LINGO2: variants seen among roughly 807,000 people sequenced by gnomAD.
LINGO2 encodes the protein leucine-rich repeat and immunoglobulin-like domain-containing nogo receptor-interacting protein 2.
LINGO2 carries 14 observed loss-of-function variants against 30.6 expected under a neutral mutation model. That is an observed-to-expected ratio of 0.46 (90% CI 0.30 to 0.72). The LOEUF is 0.72. Ranked by LOEUF, LINGO2 falls within the 30% of genes least tolerant of loss-of-function variation. The pLI, the probability that LINGO2 is intolerant of heterozygous loss-of-function variation, is 0.07. For missense variants in LINGO2, 729 were observed against 751.7 expected, an observed-to-expected ratio of 0.97 and a Z score of 0.35; for synonymous variants, 317 against 288.5, an observed-to-expected ratio of 1.10 and a Z score of -1.00.
the LINGO2 span, among the ~76,000 whole-genome samples, chr9:28,787,946 G>A: frequency 6.6e-6 from 1 of 152,088 alleles, no homozygotes. Context: ...CTTGACAAAT[G>A]TTTTAAACAA....
chr9:28,388,002 CGATCA>C (rs1447553807), intron 2 of LINGO2, among the ~76,000 whole-genome samples: 1 of 152,126 alleles, frequency 6.6e-6, no homozygotes, highest in Non-Finnish European at 1.5e-5. Context: ...CACAGCATGC[CGATCA>C]CTTTTAAGGC....
the LINGO2 span, among the ~76,000 whole-genome samples, chr9:28,944,276 T>A: frequency 6.6e-6 from 1 of 152,160 alleles, no homozygotes; most frequent in Non-Finnish European, 1.5e-5. Flanking sequence ...GTATGCATTG[T>A]TTTAGGTAAC....
intron 4 of LINGO2, among the ~76,000 whole-genome samples, chr9:28,288,560 G>GT (rs1823602865): frequency 1.3e-5 from 2 of 152,226 alleles, no homozygotes; most frequent in African/African-American, 4.8e-5. Context: ...TGTTGTTGTT[G>GT]TTTTTTCTTT....
At position 28,063,071 on chromosome 9, in the gene LINGO2, C is replaced by G. The variant is rs964656488; in HGVS notation, c.-86-50666G>C. Among the ~76,000 whole-genome samples, 3 of 152,228 alleles carry G rather than the reference C, an allele frequency of 2.0e-5. 1 individual carries two copies. Among genetic ancestry groups the G allele is most frequent in the Admixed American group, 2.0e-4 (3 of 15,266 alleles). On this transcript the variant is annotated intron_variant, in intron 4 of 5. Coordinates refer to ENST00000379992, the Ensembl canonical transcript of LINGO2. ...CAACTTTGCTTTTACAGTTTTCTTA[C>G]TCTGACAGAAGGAAACCATAGAACC...
At chr9:28,014,524 C>A (rs201402308) in intron 4 of LINGO2, among the ~76,000 whole-genome samples, 2 of 152,114 alleles carry the variant, frequency 1.3e-5, no homozygotes, top group East Asian at 3.9e-4. Flanking sequence ...AAGCAACTTC[C>A]AACTGATACA....
chr9:28,039,603 T>G (rs1470931805), intron 4 of LINGO2, among the ~76,000 whole-genome samples: 1 of 152,154 alleles, frequency 6.6e-6, no homozygotes, highest in Non-Finnish European at 1.5e-5. Context: ...GGACTCTGTA[T>G]ATAAACAGTA....
intron 3 of LINGO2, among the ~76,000 whole-genome samples, chr9:28,341,031 A>C (rs567955983): frequency 6.6e-6 from 1 of 152,238 alleles, no homozygotes; most frequent in African/African-American, 2.4e-5. Context: ...TCATGAAACA[A>C]AAAACTAAGG....
chr9:28,162,434 G>C (rs1162824403), intron 4 of LINGO2, among the ~76,000 whole-genome samples: 1 of 152,104 alleles, frequency 6.6e-6, no homozygotes, highest in Non-Finnish European at 1.5e-5. Context: ...GCTTGGTTCA[G>C]ATTTGCACTA....
the LINGO2 span, among the ~76,000 whole-genome samples, chr9:28,800,134 G>C: frequency 6.6e-6 from 1 of 152,030 alleles, no homozygotes; most frequent in African/African-American, 2.4e-5. Flanking sequence ...AAATACAAAA[G>C]AGATTTCAGA....
intron 4 of LINGO2, among the ~76,000 whole-genome samples, chr9:28,051,978 C>T (rs1824698307): frequency 6.6e-6 from 1 of 152,060 alleles, no homozygotes; most frequent in Non-Finnish European, 1.5e-5. Flanking sequence ...AGCATTGCCT[C>T]AAATTCCAAC....
the LINGO2 span, among the ~76,000 whole-genome samples, chr9:28,841,334 A>G: frequency 1.4e-3 from 206 of 151,894 alleles, no homozygotes; most frequent in Non-Finnish European, 2.5e-3. Context: ...TTGGCACCTG[A>G]TTTAACAGTG....
chr9:28,848,342 GTA>G, the LINGO2 span, among the ~76,000 whole-genome samples: 27 of 104,748 alleles, frequency 2.6e-4, no homozygotes, highest in Admixed American at 1.0e-3. Context: ...CATATATAGT[GTA>G]TATATATATA....
chr9:28,413,982 TTTC>T (rs1175461437), intron 2 of LINGO2, among the ~76,000 whole-genome samples: 3 of 146,034 alleles, frequency 2.1e-5, no homozygotes, highest in African/African-American at 7.5e-5. Context: ...ATTAATAGCA[TTTC>T]TTAAGTGAAT....
At chr9:28,690,376 A>C in the LINGO2 span, among the ~76,000 whole-genome samples, 1 of 152,260 alleles carries the variant, frequency 6.6e-6, no homozygotes, top group African/African-American at 2.4e-5. Flanking sequence ...GTGAGATAAA[A>C]ATGCATATTG....
At chr9:28,735,603 C>T in the LINGO2 span, among the ~76,000 whole-genome samples, 1 of 152,014 alleles carries the variant, frequency 6.6e-6, no homozygotes, top group East Asian at 1.9e-4. Context: ...CCCTTTCTCA[C>T]AGCACATTTT....
chr9:28,626,340 T>A (rs570993737), intron 1 of LINGO2, among the ~76,000 whole-genome samples: 1 of 152,192 alleles, frequency 6.6e-6, no homozygotes, highest in African/African-American at 2.4e-5. Flanking sequence ...TTTTTCCAAT[T>A]TGGGGTTTGC....
intron 1 of LINGO2, among the ~76,000 whole-genome samples, chr9:28,556,869 A>C (rs1407409346): frequency 2.9e-4 from 44 of 152,046 alleles, no homozygotes; most frequent in African/African-American, 8.9e-4. Flanking sequence ...TGATCTTTGA[A>C]AAACCTGAGA....
chr9:27,989,463 G>C (rs895047792), intron 5 of LINGO2, among the ~76,000 whole-genome samples: 9 of 151,778 alleles, frequency 5.9e-5, no homozygotes, highest in South Asian at 4.2e-4. Flanking sequence ...GTGTGTGTGT[G>C]TGTGTGTGTG....
the LINGO2 span, among the ~76,000 whole-genome samples, chr9:28,899,713 T>C: frequency 4.6e-5 from 7 of 152,266 alleles, no homozygotes; most frequent in South Asian, 1.0e-3. Context: ...CTGGCACACA[T>C]AGCCCCAGGC....
Sources: allele counts gnomAD v4.1 joint callset (sites outside exome capture counted in the v4.1 genomes callset), GRCh38; gene constraint gnomAD v4.1.1; transcripts MANE v1.5; gene names NCBI Gene and HGNC (gene_info 2026-07-23, HGNC 2026-07-21).